The following POC1B variants were observed in gnomAD, a reference collection of about 807,000 sequenced individuals.
POC1B encodes the protein POC1 centriolar protein homolog B.
In POC1B, 44 loss-of-function variants were observed where a neutral mutation model predicts 60.6. That is an observed-to-expected ratio of 0.73 (90% CI 0.57 to 0.93). POC1B has a LOEUF of 0.93. POC1B is among the 40% of genes least tolerant of loss of function. The pLI is 0.00. For synonymous variants in POC1B, 180 were observed against 198.9 expected (o/e 0.90, Z 0.80); for missense variants, 555 against 572.3 (o/e 0.97, Z 0.31).
chr12:89,500,779 A>G, intron 2 of POC1B: 2 of 1,017,912 alleles, frequency 2.0e-6, no homozygotes, highest in Non-Finnish European at 3.0e-6. Context: ...AAAGTATCAG[A>G]TAAAGAGGAT....
intron 2 of POC1B, among the ~76,000 whole-genome samples, chr12:89,516,967 T>C (rs1398387072): frequency 1.3e-5 from 2 of 152,172 alleles, no homozygotes; most frequent in South Asian, 4.1e-4. Context: ...AGATCCTTTG[T>C]AGACTTACAT....
At chr12:89,522,243 C>G in intron 2 of POC1B, 1 of 398,398 alleles carries the variant, frequency 2.5e-6, no homozygotes, top group Non-Finnish European at 4.4e-6. Flanking sequence ...CAAACAAATG[C>G]CCTCTTCCAA....
intron 10 of POC1B, among the ~76,000 whole-genome samples, chr12:89,431,351 T>C (rs951929210): frequency 1.3e-5 from 2 of 152,116 alleles, no homozygotes; most frequent in African/African-American, 4.8e-5. Context: ...TTGTGAAAGA[T>C]ATACAAACAT....
the POC1B span, among the ~76,000 whole-genome samples, chr12:89,414,511 C>T: frequency 1.3e-5 from 2 of 152,202 alleles, no homozygotes; most frequent in South Asian, 2.1e-4. Flanking sequence ...ACAGTTGGGG[C>T]TTATGGAGGA....
Position 89,525,885 on chromosome 12 carries a change from G to T in POC1B, c.11C>A (p.Ala4Asp). 6.8e-7 allele frequency: 1 copy of T among 1,464,598 alleles called. No homozygotes were observed. The highest frequency in any genetic ancestry group is 1.4e-5 in the South Asian group (1 of 70,686). The allele number at this position is 1,464,598 out of a possible 1,614,324, so 90.7% of individuals were successfully genotyped here. ...CCACCTCCAACCCGTCCTTACCGTGGCTGAGGCCATCGGGGGAGTGGTCGG... is the reference window on the plus strand; with the variant it reads ...CCACCTCCAACCCGTCCTTACCGTGTCTGAGGCCATCGGGGGAGTGGTCGG... MASATEDPVLERYF... is the reference protein window; with the variant it reads MASDTEDPVLERYF... Residue 4 changes from alanine (A) to aspartate (D), a missense_variant, in exon 1 of 12, where the codon GCC (alanine) becomes GAC (aspartate). Ala to Asp is a moderately radical substitution (Grantham distance 126, BLOSUM62 -2). Coordinates refer to ENST00000313546, the MANE Select transcript of POC1B (RefSeq NM_172240.3).
intron 4 of POC1B, chr12:89,485,328 T>G (rs1253011267): frequency 2.0e-5 from 3 of 152,222 alleles, no homozygotes; most frequent in African/African-American, 7.2e-5. Context: ...CTAAACTCTC[T>G]TGTTCTAACT....
At chr12:89,459,590 A>G in intron 10 of POC1B, 48 bp downstream of exon 10, 1 of 1,117,094 alleles carries the variant, frequency 9.0e-7, no homozygotes, top group Non-Finnish European at 1.2e-6. Context: ...ATGCCAAATG[A>G]TTAAATGCCA....
At chr12:89,466,149 A>G (rs1882675930) in intron 9 of POC1B, among the ~76,000 whole-genome samples, 1 of 152,220 alleles carries the variant, frequency 6.6e-6, no homozygotes. Context: ...AATGCAAAAT[A>G]AGAATAGGCT....
intron 2 of POC1B, among the ~76,000 whole-genome samples, chr12:89,511,200 A>G (rs933556173): frequency 5.3e-5 from 8 of 151,932 alleles, no homozygotes; most frequent in Non-Finnish European, 1.2e-4. Context: ...AGGCGGGTAG[A>G]TCACCTGAGG....
chr12:89,459,979 TA>T, intron 9 of POC1B: 3 of 448,138 alleles, frequency 6.7e-6, no homozygotes, highest in Non-Finnish European at 1.2e-5. Flanking sequence ...GTAATTTACC[TA>T]AAAAGGAATA....
intron 1 of POC1B, 82 bp from the exon 2 acceptor site, chr12:89,525,286 G>A (rs371576211): frequency 4.0e-6 from 6 of 1,514,794 alleles, no homozygotes; most frequent in African/African-American, 2.8e-5. Flanking sequence ...CCACTTCCCC[G>A]GAGTCCGGCT....
At chr12:89,476,389 G>A (rs768430204) in intron 4 of POC1B, among the ~76,000 whole-genome samples, 2 of 152,018 alleles carry the variant, frequency 1.3e-5, no homozygotes, top group African/African-American at 4.8e-5. Flanking sequence ...AACCAAAAAC[G>A]TCCATGAACC....
chr12:89,408,156 A>T, the POC1B span, among the ~76,000 whole-genome samples: 78,753 of 151,998 alleles, frequency 0.52, 22,338 homozygotes, highest in Non-Finnish European at 0.64. Context: ...TTAGGGCTGC[A>T]TAGTATTCCA....
At chr12:89,513,763 G>A (rs916558992) in intron 2 of POC1B, among the ~76,000 whole-genome samples, 15 of 152,114 alleles carry the variant, frequency 9.9e-5, no homozygotes, top group Admixed American at 6.5e-5. Context: ...CAAACCTTAA[G>A]GCTTGAGCTC....
rs933527703 is a variant in POC1B, at chr12:89,497,906, C to T, written c.101-564G>A. On this transcript the variant is annotated intron_variant, in intron 2 of 11. Coordinates refer to ENST00000313546, the MANE Select transcript of POC1B (RefSeq NM_172240.3). Reference sequence around the variant, plus strand: ...TTTGCTCTGTACTTGTTTCTCCTTGCGCATGAACACACGTAAACCCACACA... The same window carrying T: ...TTTGCTCTGTACTTGTTTCTCCTTGTGCATGAACACACGTAAACCCACACA... 5.3e-5 allele frequency among the ~76,000 whole-genome samples: 8 copies of T among 152,244 alleles called. No homozygotes were observed. In the East Asian group the frequency reaches 5.8e-4, roughly 11 times the overall value.
chr12:89,445,444 A>G (rs1354170807), intron 10 of POC1B, among the ~76,000 whole-genome samples: 2 of 152,220 alleles, frequency 1.3e-5, no homozygotes, highest in African/African-American at 2.4e-5. Flanking sequence ...GCCCTCAGAG[A>G]TACTACCACA....
At chr12:89,512,089 G>A (rs116433888) in intron 2 of POC1B, among the ~76,000 whole-genome samples, 135 of 152,264 alleles carry the variant, frequency 8.9e-4, no homozygotes, top group African/African-American at 3.1e-3. Context: ...GAGGGAGAGG[G>A]TTGTACAATA....
At chr12:89,466,156 G>A (rs1882676109) in intron 9 of POC1B, among the ~76,000 whole-genome samples, 1 of 152,156 alleles carries the variant, frequency 6.6e-6, no homozygotes, top group African/African-American at 2.4e-5. Context: ...AATAAGAATA[G>A]GCTAACATCA....
the POC1B span, among the ~76,000 whole-genome samples, chr12:89,408,421 C>T: frequency 0.043 from 6,492 of 151,940 alleles, 373 homozygotes; most frequent in East Asian, 0.25. Context: ...ACACTCCCAC[C>T]GACAGTGTAA....
Sources: allele counts gnomAD v4.1 joint callset (sites outside exome capture counted in the v4.1 genomes callset), GRCh38; gene constraint gnomAD v4.1.1; transcripts MANE v1.5; gene names NCBI Gene and HGNC (gene_info 2026-07-23, HGNC 2026-07-21).